Variants in CNTNAP5 observed in about 807,000 individuals in gnomAD.
CNTNAP5 encodes the protein contactin-associated protein-like 5.
In CNTNAP5, 72 loss-of-function variants were observed where a neutral mutation model predicts 150.2. The observed-to-expected ratio is 0.48, with a 90% CI of 0.40 to 0.58. CNTNAP5 has a LOEUF of 0.58. CNTNAP5 is among the 20% of genes least tolerant of loss of function. The pLI is 0.00. For synonymous variants in CNTNAP5, 672 were observed against 619.8 expected (o/e 1.08, Z -1.25); for missense variants, 1,636 against 1,626.2 (o/e 1.01, Z -0.10).
intron 1 of CNTNAP5, among the ~76,000 whole-genome samples, chr2:124,106,006 A>G (rs1250911548): frequency 1.3e-5 from 2 of 152,118 alleles, no homozygotes; most frequent in African/African-American, 2.4e-5. Context: ...TTATTCATTT[A>G]ATCTTTCATG....
intron 17 of CNTNAP5, among the ~76,000 whole-genome samples, chr2:124,782,645 T>C (rs917410532): frequency 6.6e-6 from 1 of 152,158 alleles, no homozygotes; most frequent in Non-Finnish European, 1.5e-5. Flanking sequence ...ATTTAGCATA[T>C]TGACCAAAGA....
intron 3 of CNTNAP5, among the ~76,000 whole-genome samples, chr2:124,310,126 A>G (rs945843788): frequency 6.6e-6 from 1 of 151,902 alleles, no homozygotes; most frequent in Non-Finnish European, 1.5e-5. Context: ...TTTATGCATA[A>G]GAATCTCCCA....
intron 6 of CNTNAP5, among the ~76,000 whole-genome samples, chr2:124,465,079 G>A (rs1260352358): frequency 6.6e-6 from 1 of 151,952 alleles, no homozygotes; most frequent in Non-Finnish European, 1.5e-5. Flanking sequence ...CAACAAGGGA[G>A]GAATGAATTC....
chr2:124,252,929 G>T (rs1687222595), intron 3 of CNTNAP5, among the ~76,000 whole-genome samples: 1 of 151,886 alleles, frequency 6.6e-6, no homozygotes, highest in Admixed American at 6.6e-5. Flanking sequence ...ACCAATATTT[G>T]TAGAAGGCGA....
chr2:124,683,961 T>G (rs1256107162), intron 13 of CNTNAP5, among the ~76,000 whole-genome samples: 1 of 152,178 alleles, frequency 6.6e-6, no homozygotes, highest in Non-Finnish European at 1.5e-5. Flanking sequence ...ATTTTCTTTC[T>G]CCGCACAAGG....
At chr2:124,757,289 A>T (rs1680860498) in intron 14 of CNTNAP5, among the ~76,000 whole-genome samples, 1 of 152,134 alleles carries the variant, frequency 6.6e-6, no homozygotes, top group Admixed American at 6.5e-5. Flanking sequence ...CAAATTAGTA[A>T]ACTAAAACCT....
intron 12 of CNTNAP5, among the ~76,000 whole-genome samples, chr2:124,647,448 A>G (rs1350101295): frequency 6.6e-6 from 1 of 152,082 alleles, no homozygotes; most frequent in Non-Finnish European, 1.5e-5. Context: ...CATTTTCCTC[A>G]TTTTTGACAT....
chr2:124,092,579 G>A (rs1682840322), intron 1 of CNTNAP5, among the ~76,000 whole-genome samples: 1 of 152,214 alleles, frequency 6.6e-6, no homozygotes, highest in Non-Finnish European at 1.5e-5. Flanking sequence ...AGTCTAGAGA[G>A]TGGTGGAGCT....
At chr2:124,543,242 T>A (rs1234472308) in intron 10 of CNTNAP5, among the ~76,000 whole-genome samples, 1 of 152,128 alleles carries the variant, frequency 6.6e-6, no homozygotes, top group Admixed American at 6.6e-5. Context: ...ATTTGAGCAA[T>A]GTAGTCTATA....
At chr2:124,470,782 A>G (rs112606910) in intron 6 of CNTNAP5, among the ~76,000 whole-genome samples, 18,950 of 152,158 alleles carry the variant, frequency 0.12, 1,950 homozygotes, top group African/African-American at 0.26. Flanking sequence ...AATTTTCTGC[A>G]TATGGCTAGC....
At chr2:124,722,876 C>T (rs993806626) in intron 13 of CNTNAP5, among the ~76,000 whole-genome samples, 1 of 152,178 alleles carries the variant, frequency 6.6e-6, no homozygotes, top group African/African-American at 2.4e-5. Context: ...CCTGCCACAT[C>T]CCAGAAGTCT....
intron 13 of CNTNAP5, among the ~76,000 whole-genome samples, chr2:124,718,047 T>C (rs1248791264): frequency 3.3e-5 from 5 of 152,178 alleles, no homozygotes; most frequent in Non-Finnish European, 5.9e-5. Context: ...TATTATACTC[T>C]ACCCACACCA....
intron 3 of CNTNAP5, among the ~76,000 whole-genome samples, chr2:124,289,745 T>A (rs1688240853): frequency 6.6e-6 from 1 of 152,208 alleles, no homozygotes; most frequent in East Asian, 1.9e-4. Flanking sequence ...AGAATTAATG[T>A]GAAGCTAAAT....
chr2:124,786,225 C>A (rs773811879), intron 17 of CNTNAP5, among the ~76,000 whole-genome samples: 25 of 150,234 alleles, frequency 1.7e-4, no homozygotes, highest in Non-Finnish European at 3.4e-4. Context: ...ATCACACCAC[C>A]GCACTCCAGC....
intron 3 of CNTNAP5, among the ~76,000 whole-genome samples, chr2:124,375,946 CTCAAAATGGAACCA>C (rs111524226): frequency 8.5e-5 from 13 of 152,050 alleles, no homozygotes; most frequent in African/African-American, 3.1e-4. Flanking sequence ...GAAAAGTGTC[CTCAAAATGGAACCA>C]AAGGTCATTC....
intron 3 of CNTNAP5, among the ~76,000 whole-genome samples, chr2:124,401,788 A>C (rs981047205): frequency 2.0e-5 from 3 of 152,248 alleles, no homozygotes; most frequent in Non-Finnish European, 4.4e-5. Context: ...AATAACTTTC[A>C]TGGGGCAGTG....
At chr2:124,678,576 G>A (rs1049533918) in intron 13 of CNTNAP5, among the ~76,000 whole-genome samples, 1 of 151,662 alleles carries the variant, frequency 6.6e-6, no homozygotes, top group Non-Finnish European at 1.5e-5. Context: ...TTTATTAAAT[G>A]TTATGTCCTA....
intron 16 of CNTNAP5, among the ~76,000 whole-genome samples, chr2:124,770,802 C>T (rs1443602502): frequency 1.3e-5 from 2 of 152,190 alleles, no homozygotes; most frequent in African/African-American, 4.8e-5. Flanking sequence ...CAACAGCCAT[C>T]ACCTGTTGAA....
chr2:124,768,227 C>T (rs551371322), intron 16 of CNTNAP5, among the ~76,000 whole-genome samples: 4 of 151,134 alleles, frequency 2.6e-5, no homozygotes, highest in Admixed American at 2.0e-4. Context: ...CAGAAATTTG[C>T]TGAGCTGCTC....
Sources: gnomAD v4.1 joint callset for allele counts (sites outside exome capture counted in the v4.1 genomes callset) on GRCh38, gnomAD v4.1.1 for gene constraint, MANE v1.5 for transcripts, NCBI Gene and HGNC (gene_info 2026-07-23, HGNC 2026-07-21) for gene names.